The following HDHD2 variants were observed in gnomAD, a reference collection of about 807,000 sequenced individuals.
HDHD2 encodes the protein haloacid dehalogenase like hydrolase domain containing 2.
A neutral mutation model predicts 24.8 loss-of-function variants in HDHD2; 26 were observed. The ratio of observed to expected loss-of-function variants is 1.05; its 90% CI spans 0.77 to 1.45. The LOEUF is 1.45. Ranked by LOEUF, HDHD2 falls within the 40% of genes most tolerant of loss-of-function variation. The pLI is 0.00. For synonymous variants in HDHD2, 128 were observed against 114.9 expected, an observed-to-expected ratio of 1.11 and a Z score of -0.73; for missense variants, 299 against 313.4, an observed-to-expected ratio of 0.95 and a Z score of 0.35.
At chr18:47,149,951 G>C (rs2063913451) in intron 1 of HDHD2, 1 of 152,572 alleles carries the variant, frequency 6.6e-6, no homozygotes, top group Non-Finnish European at 1.5e-5. Flanking sequence ...AACTCTTTCA[G>C]CACCAACTCA....
rs550972685 is a variant in HDHD2 at position 47,127,380 on chromosome 18, A to G, written c.395+2864T>C. ...GTAAACATGTATGTGTATAGAAACA[A>G]AGAAACTGGCTATGTGCTAAAATGT... On this transcript the variant is annotated intron_variant, in intron 4 of 6. Coordinates refer to ENST00000300605, the MANE Select transcript of HDHD2 (RefSeq NM_032124.5). Among the ~76,000 whole-genome samples, 8 of 152,350 alleles carry G rather than the reference A, an allele frequency of 5.3e-5. No homozygotes were observed. In the East Asian group the frequency reaches 1.5e-3, roughly 29 times the overall value.
At chr18:47,144,081 G>A (rs372768187) in intron 1 of HDHD2, among the ~76,000 whole-genome samples, 21 of 152,000 alleles carry the variant, frequency 1.4e-4, no homozygotes, top group East Asian at 5.8e-4. Flanking sequence ...GTGTGTGCAC[G>A]TCTGCACGCA....
chr18:47,134,958 C>T (rs1001223727), intron 2 of HDHD2, among the ~76,000 whole-genome samples: 3 of 152,120 alleles, frequency 2.0e-5, no homozygotes, highest in Non-Finnish European at 2.9e-5. Flanking sequence ...AAGCTCTGTC[C>T]AACAAGAGCA....
At chr18:47,118,131 A>G (rs1183065425) in intron 4 of HDHD2, among the ~76,000 whole-genome samples, 2 of 152,180 alleles carry the variant, frequency 1.3e-5, no homozygotes, top group Non-Finnish European at 2.9e-5. Context: ...GAGCAGGGCT[A>G]CCATATAAAA....
intron 1 of HDHD2, among the ~76,000 whole-genome samples, chr18:47,149,513 G>C (rs1234790258): frequency 6.6e-6 from 1 of 152,144 alleles, no homozygotes; most frequent in African/African-American, 2.4e-5. Flanking sequence ...GGTGGACAGA[G>C]TCCTGGTTTA....
chr18:47,134,696 C>A lies in HDHD2; in HGVS notation c.110G>T (p.Gly37Val), dbSNP rs2063746917. The change falls in exon 3 of 7, where the codon GGT (glycine) becomes GTT (valine). Residue 37 changes from glycine (G) to valine (V), a missense_variant. By Grantham distance (109) the Gly-to-Val change is moderately radical. Coordinates refer to ENST00000300605, the MANE Select transcript of HDHD2 (RefSeq NM_032124.5). ...GAQEALKRLRGASVIIRFVTN... is the reference protein window; with the variant it reads ...GAQEALKRLRVASVIIRFVTN... Reference sequence around the variant, plus strand: ...CACAAACCTAATGATTACAGAAGCACCACGTAACCTGGAGAGGGCCAAATT... The same window carrying A: ...CACAAACCTAATGATTACAGAAGCAACACGTAACCTGGAGAGGGCCAAATT... 6.2e-7 allele frequency: 1 copy of A among 1,613,608 alleles called. No individual in the cohort carries two copies. The highest frequency in any genetic ancestry group is 8.5e-7 in the Non-Finnish European group (1 of 1,179,734).
intron 4 of HDHD2, among the ~76,000 whole-genome samples, chr18:47,119,427 G>C (rs1025030332): frequency 3.9e-5 from 6 of 152,158 alleles, no homozygotes; most frequent in Admixed American, 3.3e-4. Context: ...TCTTCACCAG[G>C]AGTAGATTCC....
intron 4 of HDHD2, among the ~76,000 whole-genome samples, chr18:47,122,070 AG>A (rs1294799532): frequency 6.6e-6 from 1 of 152,156 alleles, no homozygotes; most frequent in African/African-American, 2.4e-5. Flanking sequence ...TCACTAGAAC[AG>A]TCTCCATAAT....
chr18:47,137,993 G>C (rs1460808693), intron 1 of HDHD2, among the ~76,000 whole-genome samples: 1 of 151,296 alleles, frequency 6.6e-6, no homozygotes, highest in Non-Finnish European at 1.5e-5. Context: ...CCGCGTCTCT[G>C]CATCTCTACT....
chr18:47,112,914 C>T (rs1487748608), intron 6 of HDHD2, 63 bp downstream of exon 6: 22 of 1,371,886 alleles, frequency 1.6e-5, no homozygotes, highest in Non-Finnish European at 2.1e-5. Flanking sequence ...AAAGATTGTT[C>T]TTTAAGCAAC....
chr18:47,145,729 TA>T (rs2063863093), intron 1 of HDHD2, among the ~76,000 whole-genome samples: 1 of 151,972 alleles, frequency 6.6e-6, no homozygotes, highest in Non-Finnish European at 1.5e-5. Context: ...AAATGAGACA[TA>T]AAAAGCACAA....
intron 1 of HDHD2, among the ~76,000 whole-genome samples, chr18:47,148,380 A>G (rs2063895372): frequency 6.6e-6 from 1 of 152,238 alleles, no homozygotes; most frequent in Non-Finnish European, 1.5e-5. Flanking sequence ...CAAAATAACT[A>G]TAAAGGCTTC....
intron 1 of HDHD2, among the ~76,000 whole-genome samples, chr18:47,143,831 T>A (rs551528371): frequency 6.6e-6 from 1 of 152,188 alleles, no homozygotes; most frequent in African/African-American, 2.4e-5. Context: ...CCAAAGAACA[T>A]GTACTAGCTC....
intron 1 of HDHD2, among the ~76,000 whole-genome samples, chr18:47,145,589 G>A (rs2063861474): frequency 6.6e-6 from 1 of 152,120 alleles, no homozygotes; most frequent in South Asian, 2.1e-4. Flanking sequence ...AATGAAATTG[G>A]ACTCCCACAT....
intron 1 of HDHD2, among the ~76,000 whole-genome samples, chr18:47,138,534 A>G (rs1224047637): frequency 6.6e-6 from 1 of 152,244 alleles, no homozygotes; most frequent in African/African-American, 2.4e-5. Flanking sequence ...GGTGAAGAAT[A>G]TATGGTTTTT....
At chr18:47,114,530 A>G (rs977637244) in intron 5 of HDHD2, among the ~76,000 whole-genome samples, 9 of 152,188 alleles carry the variant, frequency 5.9e-5, no homozygotes, top group African/African-American at 2.2e-4. Flanking sequence ...CCATCAAGAC[A>G]CACATGGGAA....
chr18:47,111,877 T>G, intron 6 of HDHD2: 1 of 813,084 alleles, frequency 1.2e-6, no homozygotes, highest in Non-Finnish European at 1.5e-6. Flanking sequence ...CAGTTGTAAC[T>G]CTTCTTTGAC....
At chr18:47,129,815 G>C (rs1388124804) in intron 4 of HDHD2, among the ~76,000 whole-genome samples, 1 of 152,194 alleles carries the variant, frequency 6.6e-6, no homozygotes, top group South Asian at 2.1e-4. Context: ...GCACACGCCT[G>C]TAATTCCAGC....
intron 1 of HDHD2, among the ~76,000 whole-genome samples, chr18:47,148,217 G>C (rs1480691682): frequency 4.6e-5 from 7 of 152,170 alleles, no homozygotes; most frequent in African/African-American, 1.7e-4. Context: ...TCTCGAACTG[G>C]TGAGTTCAAG....
Sources: allele counts gnomAD v4.1 joint callset (sites outside exome capture counted in the v4.1 genomes callset), GRCh38; gene constraint gnomAD v4.1.1; transcripts MANE v1.5; gene names NCBI Gene and HGNC (gene_info 2026-07-23, HGNC 2026-07-21).